The following DOK5 variants were observed in gnomAD, a reference collection of about 807,000 sequenced individuals.
The protein encoded by DOK5 is docking protein 5.
A neutral mutation model predicts 43.3 loss-of-function variants in DOK5; 27 were observed. The observed-to-expected ratio is 0.62, with a 90% confidence interval of 0.46 to 0.86. The LOEUF (loss-of-function observed/expected upper bound fraction) is 0.86. DOK5 is among the 40% of genes least tolerant of loss of function. The pLI is 0.00. For synonymous variants in DOK5, 146 were observed against 140.1 expected (o/e 1.04, Z -0.30); for missense variants, 373 against 392.9 (o/e 0.95, Z 0.43).
intron 1 of DOK5, among the ~76,000 whole-genome samples, chr20:54,541,973 C>T (rs944530971): frequency 9.2e-5 from 14 of 152,000 alleles, no homozygotes; most frequent in African/African-American, 3.4e-4. Flanking sequence ...ATACCTTCTT[C>T]ATGAGAACTT....
intron 6 of DOK5, among the ~76,000 whole-genome samples, chr20:54,634,953 G>A (rs986849178): frequency 2.0e-5 from 3 of 151,980 alleles, no homozygotes; most frequent in African/African-American, 4.8e-5. Flanking sequence ...ATCACCCCTG[G>A]ATACCAAAAA....
At chr20:54,620,385 C>T (rs1004370135) in intron 6 of DOK5, among the ~76,000 whole-genome samples, 3 of 152,090 alleles carry the variant, frequency 2.0e-5, no homozygotes, top group African/African-American at 4.8e-5. Context: ...ATTACAGGCA[C>T]CTGCCACCAT....
rs748192870 is a variant in DOK5 at position 54,588,500 on chromosome 20, T to C, written c.192T>C (p.Asn64=). 8 of 1,614,126 alleles carry C rather than the reference T, an allele frequency of 5.0e-6. No individual in the cohort carries two copies. Among genetic ancestry groups the C allele is most frequent in the South Asian group, 1.1e-5 (1 of 91,084 alleles). Residue 64 remains asparagine, a synonymous_variant, in exon 3 of 8, where the codon AAT becomes AAC. Transcript: ENST00000262593. ...RCYHKVTELN[N]VKNVARLPKS... is the part of the protein sequence containing the mutation. ...ATTTTCAGGTTACAGAACTCAATAATGTGAAGAACGTAGCTCGATTGCCAA... is the reference window on the plus strand; with the variant it reads ...ATTTTCAGGTTACAGAACTCAATAACGTGAAGAACGTAGCTCGATTGCCAA...
chr20:54,612,996 G>A (rs1052089809), intron 6 of DOK5, among the ~76,000 whole-genome samples: 2 of 152,152 alleles, frequency 1.3e-5, no homozygotes, highest in Admixed American at 6.5e-5. Flanking sequence ...CTCATAACAT[G>A]TTCAGCCCAG....
chr20:54,618,432 C>A (rs1039227845), intron 6 of DOK5, among the ~76,000 whole-genome samples: 1 of 151,952 alleles, frequency 6.6e-6, no homozygotes, highest in African/African-American at 2.4e-5. Flanking sequence ...AAACCTCTGC[C>A]TCCCGGGTTC....
At chr20:54,649,915 G>A (rs1382600055) in intron 7 of DOK5, among the ~76,000 whole-genome samples, 1 of 152,154 alleles carries the variant, frequency 6.6e-6, no homozygotes, top group Admixed American at 6.5e-5. Context: ...ATGTCACAAA[G>A]GGGGCTAATA....
intron 1 of DOK5, among the ~76,000 whole-genome samples, chr20:54,516,206 A>G (rs1983191657): frequency 6.6e-6 from 1 of 152,230 alleles, no homozygotes; most frequent in African/African-American, 2.4e-5. Context: ...AACTATGTTT[A>G]AATATGCATA....
intron 5 of DOK5, among the ~76,000 whole-genome samples, chr20:54,608,720 G>C (rs1296922396): frequency 1.3e-5 from 2 of 150,396 alleles, no homozygotes; most frequent in Admixed American, 1.3e-4. Flanking sequence ...ACCCAGGCTG[G>C]AGTGCAGTCG....
intron 1 of DOK5, among the ~76,000 whole-genome samples, chr20:54,507,693 A>G (rs1982859658): frequency 6.6e-6 from 1 of 152,208 alleles, no homozygotes. Context: ...CCCAGCCATG[A>G]GAAATTTGAA....
intron 1 of DOK5, among the ~76,000 whole-genome samples, chr20:54,501,113 A>G (rs963774803): frequency 1.3e-5 from 2 of 152,108 alleles, no homozygotes; most frequent in East Asian, 3.9e-4. Context: ...CTTAATACAT[A>G]TTACAAATTA....
At position 54,595,700 on chromosome 20, in the gene DOK5, T is replaced by G. The variant is rs538283779; in HGVS notation, c.599+3895T>G. 9.2e-5 allele frequency among the ~76,000 whole-genome samples: 14 copies of G among 152,364 alleles called. No homozygotes were observed. In the East Asian group the frequency reaches 2.7e-3, roughly 29 times the overall value. Reference sequence around the variant, plus strand: ...TGATTTTGAATAGCATTATTTCTTATGCATTGGTCATGTTTTGCAGGGCTG... The same window carrying G: ...TGATTTTGAATAGCATTATTTCTTAGGCATTGGTCATGTTTTGCAGGGCTG... On this transcript the variant is annotated intron_variant, in intron 5 of 7. Coordinates refer to ENST00000262593, the MANE Select transcript of DOK5 (RefSeq NM_018431.5).
chr20:54,588,741 G>A lies in DOK5; in HGVS notation c.344G>A (p.Arg115Gln), dbSNP rs148783714. Residue 115 changes from arginine to glutamine, a missense_variant, in exon 4 of 8, where the codon CGG (arginine) becomes CAG (glutamine). Physicochemically the swap from Arg to Gln is conservative, Grantham distance 43. Coordinates refer to ENST00000262593, the MANE Select transcript of DOK5 (RefSeq NM_018431.5). ...KVLQMECVGT[R>Q]INDISLGEPD... Reference sequence around the variant, plus strand: ...CTCCAGATGGAGTGTGTAGGAACACGGATCAATGACATCAGCCTTGGAGAG... The same window carrying A: ...CTCCAGATGGAGTGTGTAGGAACACAGATCAATGACATCAGCCTTGGAGAG... 195 of 1,614,040 alleles carry A rather than the reference G, an allele frequency of 1.2e-4. 1 individual carries two copies. In the African/African-American group the frequency reaches 1.8e-3, roughly 15 times the overall value.
chr20:54,619,052 T>A (rs945349024), intron 6 of DOK5, among the ~76,000 whole-genome samples: 1 of 111,790 alleles, frequency 8.9e-6, no homozygotes, highest in African/African-American at 3.5e-5. Context: ...TATATATATA[T>A]ATATATATAT....
At chr20:54,553,140 G>A (rs1019177985) in intron 1 of DOK5, among the ~76,000 whole-genome samples, 8 of 152,184 alleles carry the variant, frequency 5.3e-5, no homozygotes, top group African/African-American at 1.9e-4. Flanking sequence ...GCAGCCACCC[G>A]TCTGCACTTG....
At chr20:54,598,183 C>T (rs1039738024) in intron 5 of DOK5, among the ~76,000 whole-genome samples, 1 of 151,982 alleles carries the variant, frequency 6.6e-6, no homozygotes, top group Non-Finnish European at 1.5e-5. Context: ...ACCATATTCT[C>T]TATTTTTTGA....
intron 6 of DOK5, among the ~76,000 whole-genome samples, chr20:54,620,697 G>A (rs1178410362): frequency 1.3e-5 from 2 of 152,144 alleles, no homozygotes; most frequent in African/African-American, 4.8e-5. Flanking sequence ...CAACAGTAGT[G>A]CTTCTAGGAA....
At chr20:54,645,184 G>A (rs1979348400) in intron 7 of DOK5, among the ~76,000 whole-genome samples, 1 of 151,902 alleles carries the variant, frequency 6.6e-6, no homozygotes, top group East Asian at 2.0e-4. Flanking sequence ...GCAGAAATTT[G>A]CTGAATAATT....
intron 5 of DOK5, among the ~76,000 whole-genome samples, chr20:54,596,655 T>A (rs546822283): frequency 6.6e-6 from 1 of 152,352 alleles, no homozygotes; most frequent in South Asian, 2.1e-4. Context: ...ATATATTACT[T>A]ATCTCAAAAG....
intron 1 of DOK5, among the ~76,000 whole-genome samples, chr20:54,541,432 A>G (rs1041117368): frequency 1.3e-5 from 2 of 151,912 alleles, no homozygotes; most frequent in African/African-American, 4.8e-5. Flanking sequence ...TCAATTATTT[A>G]TTTTTATTTT....
Sources: gnomAD v4.1 joint callset for allele counts (sites outside exome capture counted in the v4.1 genomes callset) on GRCh38, gnomAD v4.1.1 for gene constraint, MANE v1.5 for transcripts, NCBI Gene and HGNC (gene_info 2026-07-23, HGNC 2026-07-21) for gene names.